The following SKP2 variants were observed in gnomAD, a reference collection of about 807,000 sequenced individuals.
SKP2 encodes the protein S-phase kinase associated protein 2.
In SKP2, 16 loss-of-function variants were observed where a neutral mutation model predicts 51.8. The observed-to-expected ratio is 0.31, with a 90% confidence interval of 0.21 to 0.47. The LOEUF (loss-of-function observed/expected upper bound fraction) is 0.47, where lower values mean the gene tolerates loss of function less well. Among genes scored for constraint, SKP2 ranks in the 20% least tolerant of loss-of-function variants. The pLI is 1.00. For missense variants in SKP2, 377 were observed against 505.3 expected (o/e 0.75, Z 2.43); for synonymous variants, 176 against 198.6 (o/e 0.89, Z 0.96).
chr5:36,183,802 A>T lies in SKP2; in HGVS notation c.*1771A>T, dbSNP rs1745892195. The T allele has an allele frequency of 6.6e-7, 1 of 1,525,958 alleles. No individual in the cohort carries two copies. Among genetic ancestry groups the T allele is most frequent in the Non-Finnish European group, 8.7e-7 (1 of 1,142,930 alleles). 94.5% of individuals were successfully genotyped at this position (1,525,958 alleles called of 1,614,324 possible). On this transcript the variant is annotated 3_prime_UTR_variant, in exon 10 of 10. Transcript: ENST00000274255. ...ATGATGCTTCAATTTCTTAATAGTT[A>T]AAAAGTGCTAAATACTACTTGAAAT...
At position 36,177,245 on chromosome 5, in the gene SKP2, A is replaced by G; in HGVS notation, c.1014A>G (p.Gln338=). Residue 338 remains glutamine (Q), a synonymous_variant, in exon 9 of 10, where the codon CAA becomes CAG. Coordinates refer to ENST00000274255, the MANE Select transcript of SKP2 (RefSeq NM_005983.4). The stretch of plus-strand genomic sequence containing the variant: ...AATTTTTCCAGCTCAACTACCTCCA[A>G]CACCTATCACTCAGTCGGTGCTATG... ...FQEFFQLNYL[Q]HLSLSRCYDI... is the part of the protein sequence containing the mutation. 6.2e-7 allele frequency: 1 copy of G among 1,612,324 alleles called. No individual in the cohort carries two copies. The highest frequency in any genetic ancestry group is 1.1e-5 in the South Asian group (1 of 91,044).
intron 6 of SKP2, among the ~76,000 whole-genome samples, chr5:36,171,171 C>A (rs1469754103): frequency 6.6e-6 from 1 of 152,168 alleles, no homozygotes; most frequent in African/African-American, 2.4e-5. Flanking sequence ...TTAGCAGAAG[C>A]ACAGTAAGAC....
At chr5:36,171,127 G>C (rs1203439415) in intron 6 of SKP2, among the ~76,000 whole-genome samples, 2 of 152,182 alleles carry the variant, frequency 1.3e-5, no homozygotes, top group African/African-American at 4.8e-5. Flanking sequence ...ATTAATGGTT[G>C]TATTTTGTCT....
downstream of SKP2, among the ~76,000 whole-genome samples, chr5:36,189,242 A>G (rs570512603): frequency 6.6e-6 from 1 of 152,316 alleles, no homozygotes; most frequent in Non-Finnish European, 1.5e-5. Flanking sequence ...GTCTTTCTCC[A>G]TCCAGCTTTG....
chr5:36,184,641 T>C (rs1262546236), downstream of SKP2, among the ~76,000 whole-genome samples: 16 of 152,228 alleles, frequency 1.1e-4, no homozygotes, highest in Non-Finnish European at 1.5e-5. Context: ...ATGTGCCACA[T>C]TTTCTTGATC....
At position 36,165,531 on chromosome 5, in the gene SKP2, C is replaced by A. The variant is rs143366765; in HGVS notation, c.393-988C>A. Reference sequence around the variant, plus strand: ...GAGCAGTGCTGATCTGGTGTCAATACCAATACCTTGGAGGCCAAAATGGAT... The same window carrying A: ...GAGCAGTGCTGATCTGGTGTCAATAACAATACCTTGGAGGCCAAAATGGAT... On this transcript the variant is annotated intron_variant, in intron 3 of 9. Transcript: ENST00000274255. Among the ~76,000 whole-genome samples, 165 of 152,254 alleles carry A rather than the reference C, an allele frequency of 1.1e-3. 1 individual carries two copies. Among genetic ancestry groups the A allele is most frequent in the African/African-American group, 3.6e-3 (151 of 41,552 alleles).
chr5:36,152,662 C>T, intron 1 of SKP2, 109 bp from the exon 2 acceptor site: 2 of 1,153,346 alleles, frequency 1.7e-6, no homozygotes, highest in Admixed American at 4.6e-5. Context: ...ATTCTGTTAG[C>T]TGCTGTGAAG....
At chr5:36,153,995 A>G (rs1318019515) in intron 2 of SKP2, among the ~76,000 whole-genome samples, 1 of 152,232 alleles carries the variant, frequency 6.6e-6, no homozygotes, top group African/African-American at 2.4e-5. Flanking sequence ...GCCGTGTTCC[A>G]GGTGCTGGAG....
intron 7 of SKP2, among the ~76,000 whole-genome samples, chr5:36,173,503 C>T (rs1365493623): frequency 6.6e-6 from 1 of 152,134 alleles, no homozygotes; most frequent in Non-Finnish European, 1.5e-5. Flanking sequence ...ATATTTCTTT[C>T]CCACATCTGG....
Position 36,183,885 on chromosome 5 carries a change from C to T in SKP2, c.*1854C>T, listed in dbSNP as rs374749102. 2.0e-5 allele frequency: 32 copies of T among 1,609,226 alleles called. No individual in the cohort carries two copies. Among genetic ancestry groups the T allele is most frequent in the African/African-American group, 1.2e-4 (9 of 74,690 alleles). ...TTAGGATCCGGTTGGACTCTGACAT[C>T]GGATGCCCTCAAACATACAGAACTT... On this transcript the variant is annotated 3_prime_UTR_variant, in exon 10 of 10. Coordinates refer to ENST00000274255, the MANE Select transcript of SKP2 (RefSeq NM_005983.4).
At chr5:36,188,685 G>A (rs1745978356), downstream of SKP2, among the ~76,000 whole-genome samples, 1 of 152,050 alleles carries the variant, frequency 6.6e-6, no homozygotes, top group Admixed American at 6.6e-5. Context: ...TTTCAACCTT[G>A]GTGAATCTGA....
At chr5:36,188,091 T>C (rs1027186403), downstream of SKP2, among the ~76,000 whole-genome samples, 2 of 152,256 alleles carry the variant, frequency 1.3e-5, no homozygotes, top group Non-Finnish European at 2.9e-5. Context: ...TTGGTAGTTC[T>C]TCCTGCATCC....
downstream of SKP2, among the ~76,000 whole-genome samples, chr5:36,188,782 TG>T (rs545514282): frequency 2.6e-3 from 394 of 152,292 alleles, 2 homozygotes; most frequent in African/African-American, 9.2e-3. Flanking sequence ...GGCCTGCCTT[TG>T]TAAGTTGGGG....
rs1173928887 is a variant in SKP2, at chr5:36,182,843, G to A, written c.*812G>A. Reference sequence around the variant, plus strand: ...ACATGGGTCCTTTAGCTTTTAAAATGACTTGCTTTGTTTTAGAAAGGTGGT... The same window carrying A: ...ACATGGGTCCTTTAGCTTTTAAAATAACTTGCTTTGTTTTAGAAAGGTGGT... On this transcript the variant is annotated 3_prime_UTR_variant, in exon 10 of 10. Transcript: ENST00000274255. The A allele has an allele frequency of 1.0e-6, 1 of 984,546 alleles. No individual in the cohort carries two copies. Among genetic ancestry groups the A allele is most frequent in the African/African-American group, 1.7e-5 (1 of 57,188 alleles). 61.0% of individuals were successfully genotyped at this position (984,546 alleles called of 1,614,324 possible).
chr5:36,185,183 C>G (rs1168278132), downstream of SKP2, among the ~76,000 whole-genome samples: 1 of 152,118 alleles, frequency 6.6e-6, no homozygotes, highest in Non-Finnish European at 1.5e-5. Context: ...GAGTAGATTG[C>G]AAAAATTTTC....
At chr5:36,189,331 T>C (rs888833958) in intron 6 of SKP2, among the ~76,000 whole-genome samples, 1 of 152,230 alleles carries the variant, frequency 6.6e-6, no homozygotes, top group African/African-American at 2.4e-5. Flanking sequence ...TTTTCTGCTC[T>C]GTTTTTTCCC....
chr5:36,165,678 G>T (rs1290844816), intron 3 of SKP2, among the ~76,000 whole-genome samples: 1 of 152,064 alleles, frequency 6.6e-6, no homozygotes, highest in Admixed American at 6.5e-5. Context: ...TTATGATGAA[G>T]TTATTTCATA....
Position 36,183,184 on chromosome 5 carries a change from G to T in SKP2, c.*1153G>T. On this transcript the variant is annotated 3_prime_UTR_variant, in exon 10 of 10. Transcript: ENST00000274255. ...ATACCTACATAAGAGTTAAAATCCAGATGTGGGACCTTTTGATACCATCAG... is the reference window on the plus strand; with the variant it reads ...ATACCTACATAAGAGTTAAAATCCATATGTGGGACCTTTTGATACCATCAG... 1 of 974,070 alleles carries T rather than the reference G, an allele frequency of 1.0e-6. No homozygotes were observed. Among genetic ancestry groups the T allele is most frequent in the Non-Finnish European group, 1.2e-6 (1 of 819,624 alleles). The allele number at this position is 974,070 out of a possible 1,614,324, so 60.3% of individuals were successfully genotyped here. A position where few individuals can be genotyped will look rare whatever the true frequency, so the allele number is the denominator to read the frequency against.
chr5:36,192,775 T>C (rs1403905548), intron 7 of SKP2: 2 of 152,292 alleles, frequency 1.3e-5, no homozygotes, highest in East Asian at 3.9e-4. Flanking sequence ...GGGCACAGAA[T>C]AATAATACAC....
Sources: gnomAD v4.1 joint callset for allele counts (sites outside exome capture counted in the v4.1 genomes callset) on GRCh38, gnomAD v4.1.1 for gene constraint, MANE v1.5 for transcripts, NCBI Gene and HGNC (gene_info 2026-07-23, HGNC 2026-07-21) for gene names.